The following CEP63 variants were observed in gnomAD, a reference collection of about 807,000 sequenced individuals.
CEP63 encodes the protein centrosomal protein 63, also known as centrosomal protein of 63 kDa.
CEP63 carries 84 observed loss-of-function variants against 89.1 expected under a neutral mutation model. The ratio of observed to expected loss-of-function variants is 0.94; its 90% CI spans 0.79 to 1.13. The LOEUF (loss-of-function observed/expected upper bound fraction) is 1.13. CEP63 is among the 50% of genes most tolerant of loss of function. CEP63 has a pLI of 0.00. For synonymous variants in CEP63, 267 were observed against 272.5 expected, an observed-to-expected ratio of 0.98 and a Z score of 0.20; for missense variants, 838 against 813.3, an observed-to-expected ratio of 1.03 and a Z score of -0.37.
the CEP63 span, chr3:134,628,082 C>T: frequency 9.3e-6 from 5 of 535,128 alleles, no homozygotes; most frequent in African/African-American, 1.9e-5. Flanking sequence ...AGTATTTGCT[C>T]TGACCTAACA....
At chr3:134,653,890 T>G in the CEP63 span, among the ~76,000 whole-genome samples, 1 of 152,126 alleles carries the variant, frequency 6.6e-6, no homozygotes, top group Non-Finnish European at 1.5e-5. Flanking sequence ...TACTAGCCCC[T>G]CCATCCTGCT....
the CEP63 span, among the ~76,000 whole-genome samples, chr3:134,667,791 C>A: frequency 1.3e-5 from 2 of 152,116 alleles, no homozygotes; most frequent in African/African-American, 4.8e-5. Context: ...GGTAGGTGAC[C>A]AAGACCCCGG....
At chr3:134,628,094 T>A in the CEP63 span, 1 of 464,792 alleles carries the variant, frequency 2.2e-6, no homozygotes, top group Non-Finnish European at 3.9e-6. Context: ...GACCTAACAC[T>A]TTGGGTGATT....
chr3:134,676,371 A>G, the CEP63 span, among the ~76,000 whole-genome samples: 1 of 152,238 alleles, frequency 6.6e-6, no homozygotes, highest in Non-Finnish European at 1.5e-5. Flanking sequence ...TGAAATGTAC[A>G]GAATGGGCAA....
In CEP63 at chr3:134,562,133, C is replaced by CA; in HGVS notation, c.*599dup. Reference sequence around the variant, plus strand: ...TCAACACTCATGCAGAGGAGAGAGGCAGGGAGGGCAAGGGACTGGCTGTCA... The same window carrying CA: ...TCAACACTCATGCAGAGGAGAGAGGCAAGGGAGGGCAAGGGACTGGCTGTCA... On this transcript the variant is annotated 3_prime_UTR_variant, in exon 15 of 15. Transcript: ENST00000675561. The CA allele has an allele frequency of 2.0e-6, 2 of 988,332 alleles. No homozygotes were observed. Among genetic ancestry groups the CA allele is most frequent in the Non-Finnish European group, 2.4e-6 (2 of 831,848 alleles). The allele number at this position is 988,332 out of a possible 1,614,324, so 61.2% of individuals were successfully genotyped here.
the CEP63 span, among the ~76,000 whole-genome samples, chr3:134,709,067 T>C: frequency 2.0e-5 from 3 of 150,568 alleles, no homozygotes; most frequent in African/African-American, 7.3e-5. Context: ...AGGGTACAGA[T>C]GAAAGGTACA....
chr3:134,650,672 C>T, the CEP63 span, among the ~76,000 whole-genome samples: 1 of 152,160 alleles, frequency 6.6e-6, no homozygotes, highest in Non-Finnish European at 1.5e-5. Flanking sequence ...GACGCCGGTG[C>T]CACTGCGGGG....
chr3:134,538,586 T>G (rs940894638), intron 6 of CEP63, among the ~76,000 whole-genome samples: 75 of 146,172 alleles, frequency 5.1e-4, no homozygotes, highest in Non-Finnish European at 9.5e-4. Context: ...AACAAAAAAT[T>G]TTTTTTGGTT....
intron 2 of CEP63, among the ~76,000 whole-genome samples, chr3:134,505,919 C>A (rs1348364725): frequency 6.6e-6 from 1 of 152,148 alleles, no homozygotes; most frequent in Non-Finnish European, 1.5e-5. Flanking sequence ...GCTTTGGGTA[C>A]AGAAGCAAAA....
chr3:134,603,717 G>A, the CEP63 span: 1 of 1,613,778 alleles, frequency 6.2e-7, no homozygotes, highest in South Asian at 1.1e-5. Flanking sequence ...TCAGGGTCAG[G>A]GGCCATGTGT....
the CEP63 span, among the ~76,000 whole-genome samples, chr3:134,710,749 G>T: frequency 7.7e-6 from 1 of 130,306 alleles, no homozygotes; most frequent in Non-Finnish European, 1.6e-5. Context: ...TTGAGATGAA[G>T]TCTTGCTCTG....
At chr3:134,675,768 C>G in the CEP63 span, among the ~76,000 whole-genome samples, 3 of 152,088 alleles carry the variant, frequency 2.0e-5, no homozygotes, top group Admixed American at 1.3e-4. Context: ...CCGGTAAGCA[C>G]ATGAAAAGAT....
the CEP63 span, among the ~76,000 whole-genome samples, chr3:134,751,818 A>G: frequency 2.0e-5 from 3 of 152,170 alleles, no homozygotes; most frequent in Admixed American, 1.3e-4. Context: ...TCCATTATTC[A>G]ATAATCCCAA....
chr3:134,533,535 T>G (rs1950230348), intron 5 of CEP63, among the ~76,000 whole-genome samples: 1 of 152,234 alleles, frequency 6.6e-6, no homozygotes, highest in African/African-American at 2.4e-5. Flanking sequence ...CCATGATTAT[T>G]GTATATATTG....
intron 2 of CEP63, among the ~76,000 whole-genome samples, chr3:134,504,273 T>C (rs1413138514): frequency 3.3e-5 from 5 of 152,146 alleles, no homozygotes; most frequent in African/African-American, 1.2e-4. Context: ...GTAGGGCTGG[T>C]CTAGTGATGA....
rs1223604370 is a variant in CEP63, at chr3:134,560,947, G to A, written c.1954-430G>A. ...CCTCAAGGGTTTCAGATAAGGGACT[G>A]TGGACTGAAAATTTGGAGGAGAAAA... On this transcript the variant is annotated intron_variant, in intron 14 of 14. Coordinates refer to ENST00000675561, the MANE Select transcript of CEP63 (RefSeq NM_001353108.3). Among the ~76,000 whole-genome samples, 3 of 152,168 alleles carry A rather than the reference G, an allele frequency of 2.0e-5. No homozygotes were observed. In the South Asian group the frequency reaches 6.2e-4, roughly 32 times the overall value.
At chr3:134,708,739 A>G in the CEP63 span, among the ~76,000 whole-genome samples, 9 of 152,096 alleles carry the variant, frequency 5.9e-5, no homozygotes, top group Non-Finnish European at 1.0e-4. Context: ...TTTGCCCCCA[A>G]ATGATAAAGT....
At chr3:134,519,277 C>T (rs1946908451) in intron 3 of CEP63, among the ~76,000 whole-genome samples, 1 of 151,956 alleles carries the variant, frequency 6.6e-6, no homozygotes, top group African/African-American at 2.4e-5. Context: ...GTGCGCACCA[C>T]CATGCCCGGC....
At chr3:134,698,172 T>C in the CEP63 span, among the ~76,000 whole-genome samples, 1 of 152,206 alleles carries the variant, frequency 6.6e-6, no homozygotes, top group Admixed American at 6.5e-5. Flanking sequence ...TTATCAGTAT[T>C]TGTTTTCAAA....
Sources: allele counts gnomAD v4.1 joint callset (sites outside exome capture counted in the v4.1 genomes callset), GRCh38; gene constraint gnomAD v4.1.1; transcripts MANE v1.5; gene names NCBI Gene and HGNC (gene_info 2026-07-23, HGNC 2026-07-21).